ANHX: variants seen among roughly 807,000 people sequenced by gnomAD.
ANHX encodes the protein anomalous homeobox protein.
In ANHX, 20 loss-of-function variants were observed where a neutral mutation model predicts 38.9. That is an observed-to-expected ratio of 0.51 (90% confidence interval 0.36 to 0.75). The LOEUF is 0.75. Among genes scored for constraint, ANHX ranks in the 30% least tolerant of loss-of-function variants. The pLI is 0.00. For synonymous variants in ANHX, 185 were observed against 203.1 expected, an observed-to-expected ratio of 0.91 and a Z score of 0.76; for missense variants, 475 against 493.1, an observed-to-expected ratio of 0.96 and a Z score of 0.35.
chr12:133,218,848 G>C lies in ANHX; in HGVS notation c.*37C>G. The C allele has an allele frequency of 7.0e-7, 1 of 1,437,062 alleles. No homozygotes were observed. The highest frequency in any genetic ancestry group is 9.2e-7 in the Non-Finnish European group (1 of 1,083,324). The allele number at this position is 1,437,062 out of a possible 1,614,324, so 89.0% of individuals were successfully genotyped here. On this transcript the variant is annotated 3_prime_UTR_variant, in exon 10 of 10. Coordinates refer to ENST00000545940, the MANE Select transcript of ANHX (RefSeq NM_001372060.1). ...TTGACCAGGCAGACCATCCACACCC[G>C]CTCCTCCTGGGGTGCTGTCTGGCTC...
chr12:133,234,474 G>C, intron 1 of ANHX, 96 bp from the exon 2 acceptor site: 1 of 1,388,060 alleles, frequency 7.2e-7, no homozygotes, highest in Non-Finnish European at 9.6e-7. Context: ...GTGATGCACG[G>C]CTCTTGTGCC....
intron 5 of ANHX, 53 bp downstream of exon 5, chr12:133,226,883 G>T: frequency 2.8e-6 from 4 of 1,449,064 alleles, no homozygotes; most frequent in Non-Finnish European, 3.6e-6. Context: ...CCTGGCCCTT[G>T]TCAGAAACCA....
chr12:133,218,756 A>G lies in ANHX; in HGVS notation c.*129T>C. The G allele has an allele frequency of 1.7e-6, 1 of 588,218 alleles. No homozygotes were observed. Among genetic ancestry groups the G allele is most frequent in the Non-Finnish European group, 2.7e-6 (1 of 370,484 alleles). 36.4% of individuals were successfully genotyped at this position (588,218 alleles called of 1,614,324 possible). The stretch of plus-strand genomic sequence containing the variant: ...TGGGAAAGAATCTCTGCTTTTCAGC[A>G]GAGCCCCCAGGGGAACTCTGGGGAC... On this transcript the variant is annotated 3_prime_UTR_variant, in exon 10 of 10. Coordinates refer to ENST00000545940, the MANE Select transcript of ANHX (RefSeq NM_001372060.1).
rs1384659473 is a variant in ANHX, at chr12:133,231,544, G to C, written c.350C>G (p.Pro117Arg). The C allele has an allele frequency of 4.6e-6, 7 of 1,535,766 alleles. No individual in the cohort carries two copies. Among genetic ancestry groups the C allele is most frequent in the Non-Finnish European group, 3.5e-6 (4 of 1,146,720 alleles). Reference protein sequence around the residue: ...MRRLGVAALTPVQKFRCRKRN... With the variant: ...MRRLGVAALTRVQKFRCRKRN... ...CTTCCTGCAGCGGAACTTCTGCACC[G>C]GGGTGAGCGCAGCCACGCCCAGCCT... The change falls in exon 3 of 10, where the codon CCG becomes CGG. Residue 117 changes from proline to arginine, a missense_variant. Transcript: ENST00000545940.
intron 2 of ANHX, among the ~76,000 whole-genome samples, chr12:133,232,968 AC>A (rs920210464): frequency 1.5e-4 from 23 of 149,378 alleles, no homozygotes; most frequent in African/African-American, 5.9e-4. Context: ...AAAAGGGGTA[AC>A]GGGGGGGCAA....
chr12:133,219,750 C>A (rs1204054685), intron 8 of ANHX, among the ~76,000 whole-genome samples: 1 of 152,110 alleles, frequency 6.6e-6, no homozygotes, highest in Non-Finnish European at 1.5e-5. Context: ...GACATGGCCA[C>A]GGCACTCCTG....
rs1957068112 is a variant in ANHX at position 133,218,730 on chromosome 12, G to C, written c.*155C>G. 4.0e-6 allele frequency: 2 copies of C among 502,994 alleles called. No individual in the cohort carries two copies. The highest frequency in any genetic ancestry group is 6.4e-5 in the East Asian group (2 of 31,104). 31.2% of individuals were successfully genotyped at this position (502,994 alleles called of 1,614,324 possible). ...CTAACCAAACTATTCAAACATGGCA[G>C]TGGGAAAGAATCTCTGCTTTTCAGC... is the stretch of plus-strand genomic sequence containing the variant. On this transcript the variant is annotated 3_prime_UTR_variant, in exon 10 of 10. Coordinates refer to ENST00000545940, the MANE Select transcript of ANHX (RefSeq NM_001372060.1).
chr12:133,229,270 G>T (rs942748573), intron 3 of ANHX, among the ~76,000 whole-genome samples: 1 of 152,190 alleles, frequency 6.6e-6, no homozygotes, highest in African/African-American at 2.4e-5. Flanking sequence ...CTCTAGTGCT[G>T]AGCAGATTTG....
intron 8 of ANHX, among the ~76,000 whole-genome samples, chr12:133,220,500 G>A (rs754663846): frequency 5.3e-5 from 8 of 152,184 alleles, no homozygotes; most frequent in Admixed American, 6.5e-5. Context: ...GGGCTGCTCC[G>A]CCTTTTCTCC....
At chr12:133,228,511 G>A (rs1239187430) in intron 3 of ANHX, among the ~76,000 whole-genome samples, 3 of 152,220 alleles carry the variant, frequency 2.0e-5, no homozygotes, top group South Asian at 2.1e-4. Context: ...GCATGGCCAC[G>A]CCAGCTTTCT....
chr12:133,221,176 G>T lies in ANHX; in HGVS notation c.1280+29C>A, dbSNP rs1957103618. 6.5e-7 allele frequency: 1 copy of T among 1,535,374 alleles called. No individual in the cohort carries two copies. Among genetic ancestry groups the T allele is most frequent in the Non-Finnish European group, 8.7e-7 (1 of 1,146,580 alleles). On this transcript the variant is annotated intron_variant, in intron 8 of 9. Transcript: ENST00000545940. This position sits in a 1 kb window ranked among gnomAD's most constrained non-coding sequence, Gnocchi z 4.1. The stretch of plus-strand genomic sequence containing the variant: ...TATCTTGTGGCCTGTGGAAAGGACT[G>T]TCCAGGCCTGTGGCTCTTCAGGGCT...
intron 4 of ANHX, 29 bp from the exon 5 acceptor site, chr12:133,227,181 C>A: frequency 6.6e-7 from 1 of 1,519,588 alleles, no homozygotes; most frequent in African/African-American, 1.4e-5. Context: ...ACTTCTAGCC[C>A]TGCTTCCATT....
rs1957277299 is a variant in ANHX at position 133,231,585 on chromosome 12, G to A, written c.309C>T (p.Tyr103=). 5 of 1,535,990 alleles carry A rather than the reference G, an allele frequency of 3.3e-6. No individual in the cohort carries two copies. Among genetic ancestry groups the A allele is most frequent in the Non-Finnish European group, 3.5e-6 (4 of 1,146,922 alleles). Residue 103 remains tyrosine, a synonymous_variant, in exon 3 of 10, where the codon TAC becomes TAT. Transcript: ENST00000545940. Reference sequence around the variant, plus strand: ...CGCCCAGCCTCCTCATGACCAGACGGTAGTGGATGTCGTTCCAGAGCTGCA... The same window carrying A: ...CGCCCAGCCTCCTCATGACCAGACGATAGTGGATGTCGTTCCAGAGCTGCA... ...ELVQLWNDIH[Y]RLVMRRLGVA...
At chr12:133,228,182 C>T (rs1245963602) in intron 3 of ANHX, among the ~76,000 whole-genome samples, 1 of 152,126 alleles carries the variant, frequency 6.6e-6, no homozygotes, top group Admixed American at 6.5e-5. Flanking sequence ...CTCTGTGGGC[C>T]CTTGCAGTGC....
intron 7 of ANHX, among the ~76,000 whole-genome samples, 96 bp downstream of exon 7, chr12:133,225,440 C>T (rs948546387): frequency 3.3e-5 from 5 of 152,204 alleles, no homozygotes; most frequent in African/African-American, 1.2e-4. Context: ...GGGTTCAAGC[C>T]GTGTGGCCCT....
chr12:133,218,806 CTCTGTA>C lies in ANHX; in HGVS notation c.*73_*78del. On this transcript the variant is annotated 3_prime_UTR_variant, in exon 10 of 10. Transcript: ENST00000545940. ...CCTTCATTTTGTATTCAGGATAAAGCTCTGTAACTCCTTGTGTTGACCAGGCAGACC... is the reference window on the plus strand; with the variant it reads ...CCTTCATTTTGTATTCAGGATAAAGCACTCCTTGTGTTGACCAGGCAGACC... The C allele has an allele frequency of 9.0e-7, 1 of 1,110,066 alleles. No homozygotes were observed. Among genetic ancestry groups the C allele is most frequent in the East Asian group, 2.8e-5 (1 of 35,864 alleles). The allele number at this position is 1,110,066 out of a possible 1,614,324, so 68.8% of individuals were successfully genotyped here.
In ANHX at chr12:133,234,306, G is replaced by C. The variant is rs776307676; in HGVS notation, c.51C>G (p.Pro17=). 1.1e-5 allele frequency: 17 copies of C among 1,535,982 alleles called. No homozygotes were observed. The South Asian group carries it at 2.0e-4, about 18-fold the overall frequency. ...LLKEHEDTCA[P]PAELVTLAGR... ...CCGCAAGGGTCACCAGCTCCGCCGG[G>C]GGTGCACAGGTGTCCTCATGCTCCT... The change falls in exon 2 of 10, where the codon CCC becomes CCG. Residue 17 remains proline, a synonymous_variant. Coordinates refer to ENST00000545940, the MANE Select transcript of ANHX (RefSeq NM_001372060.1).
rs559197911 is a variant in ANHX, at chr12:133,226,220, C to T, written c.839+98G>A. The T allele has an allele frequency of 9.2e-6, 14 of 1,518,362 alleles. No individual in the cohort carries two copies. In the East Asian group the frequency reaches 2.5e-4, roughly 27 times the overall value. The allele number at this position is 1,518,362 out of a possible 1,614,324, so 94.1% of individuals were successfully genotyped here. A position where few individuals can be genotyped will look rare whatever the true frequency, so the allele number is the denominator to read the frequency against. On this transcript the variant is annotated intron_variant, in intron 6 of 9. Coordinates refer to ENST00000545940, the MANE Select transcript of ANHX (RefSeq NM_001372060.1). ...CTGACCTGATCCCAGTGTGGGGGTC[C>T]TGTCACCCTTAGGCCTACTTCATGC...
At chr12:133,235,721 C>CCTTACCCTCAGGGACTCCT (rs1479976807) in intron 1 of ANHX, 86 bp downstream of exon 1, 1 of 125,192 alleles carries the variant, frequency 8.0e-6, no homozygotes, top group Non-Finnish European at 1.8e-5. Flanking sequence ...CTGGGACCCC[C>CCTTACCCTCAGGGACTCCT]GCCCCCGCGC....
Sources: gnomAD v4.1 joint callset for allele counts (sites outside exome capture counted in the v4.1 genomes callset) on GRCh38, gnomAD v4.1.1 for gene constraint, Gnocchi (gnomAD v3.1) non-coding constraint, MANE v1.5 for transcripts, NCBI Gene and HGNC (gene_info 2026-07-23, HGNC 2026-07-21) for gene names.